The following PTPRQ variants were observed in gnomAD, a reference collection of about 807,000 sequenced individuals.
PTPRQ encodes the protein phosphatidylinositol phosphatase PTPRQ.
A neutral mutation model predicts 246.0 loss-of-function variants in PTPRQ; 199 were observed. That is an observed-to-expected ratio of 0.81 (90% confidence interval 0.72 to 0.91). PTPRQ has a LOEUF of 0.91. Among genes scored for constraint, PTPRQ ranks in the 40% least tolerant of loss-of-function variants. The pLI, the probability that PTPRQ is intolerant of heterozygous loss-of-function variation, is 0.00. For missense variants in PTPRQ, 2,624 were observed against 2,528.4 expected (o/e 1.04, Z -0.81); for synonymous variants, 869 against 853.2 (o/e 1.02, Z -0.32).
rs1315758467 is a variant in PTPRQ at position 80,493,433 on chromosome 12, T to C, written c.1518T>C (p.Ala506=). 1.3e-6 allele frequency: 2 copies of C among 1,548,838 alleles called. No individual in the cohort carries two copies. The highest frequency in any genetic ancestry group is 2.4e-5 in the East Asian group (1 of 40,842). ...PDKNFPARNR[A]EDQTSPVVTT... Reference sequence around the variant, plus strand: ...AAAACTTTCCTGCAAGGAATAGAGCTGAAGACCAGACTTCACCAGTTGGTA... The same window carrying C: ...AAAACTTTCCTGCAAGGAATAGAGCCGAAGACCAGACTTCACCAGTTGGTA... The change falls in exon 10 of 45, where the codon GCT becomes GCC. Residue 506 remains alanine (A), a synonymous_variant. Transcript: ENST00000644991.
At chr12:80,465,154 A>G (rs1893348433) in intron 6 of PTPRQ, 1 of 149,238 alleles carries the variant, frequency 6.7e-6, no homozygotes, top group East Asian at 2.0e-4. Context: ...TAGATGCAAT[A>G]AAAAATGATA....
chr12:80,518,952 A>T (rs967632874), intron 17 of PTPRQ, among the ~76,000 whole-genome samples: 21 of 152,118 alleles, frequency 1.4e-4, no homozygotes, highest in African/African-American at 5.1e-4. Context: ...TAGCTTTGTT[A>T]TTCTGGGTCT....
intron 25 of PTPRQ, among the ~76,000 whole-genome samples, chr12:80,562,662 T>C (rs1023225615): frequency 6.6e-6 from 1 of 152,062 alleles, no homozygotes; most frequent in Non-Finnish European, 1.5e-5. Context: ...ACTAAGTGAA[T>C]ATATTTAAAA....
chr12:80,647,175 G>C (rs957464792), intron 35 of PTPRQ, among the ~76,000 whole-genome samples: 2 of 152,116 alleles, frequency 1.3e-5, no homozygotes, highest in African/African-American at 2.4e-5. Context: ...CAGTCTCACT[G>C]TCCTTATATA....
intron 17 of PTPRQ, chr12:80,512,791 T>C (rs1895160492): frequency 6.6e-6 from 1 of 152,210 alleles, no homozygotes; most frequent in East Asian, 1.9e-4. Context: ...CTCTCATCCT[T>C]CAAGAGGTAT....
chr12:80,584,956 T>C (rs1011188620), intron 25 of PTPRQ, among the ~76,000 whole-genome samples: 1 of 151,822 alleles, frequency 6.6e-6, no homozygotes, highest in African/African-American at 2.4e-5. Flanking sequence ...ACAGAATGTG[T>C]TGTAAATAGT....
intron 27 of PTPRQ, among the ~76,000 whole-genome samples, chr12:80,609,156 T>C (rs1328355035): frequency 1.3e-5 from 2 of 150,568 alleles, no homozygotes; most frequent in Non-Finnish European, 3.0e-5. Context: ...TCTTTTTTTA[T>C]AGCAACATCT....
intron 6 of PTPRQ, chr12:80,462,400 G>A (rs1893221493): frequency 5.4e-6 from 1 of 185,272 alleles, no homozygotes; most frequent in Non-Finnish European, 1.2e-5. Flanking sequence ...GCTCAAGGAG[G>A]CCTGCCTGCC....
At chr12:80,477,821 C>T (rs577439282) in intron 8 of PTPRQ, among the ~76,000 whole-genome samples, 8 of 152,260 alleles carry the variant, frequency 5.3e-5, no homozygotes, top group Non-Finnish European at 1.0e-4. Context: ...GCTTTTCTGA[C>T]GGGCTTAAAA....
At chr12:80,619,926 T>G (rs1898914228) in intron 31 of PTPRQ, among the ~76,000 whole-genome samples, 1 of 151,542 alleles carries the variant, frequency 6.6e-6, no homozygotes, top group Non-Finnish European at 1.5e-5. Context: ...GATTGAGGGA[T>G]GCTCTTTCTC....
intron 25 of PTPRQ, among the ~76,000 whole-genome samples, chr12:80,572,523 G>A (rs1897174115): frequency 6.6e-6 from 1 of 151,768 alleles, no homozygotes; most frequent in Non-Finnish European, 1.5e-5. Context: ...TTGCCTTATA[G>A]CACTGGCTTG....
intron 33 of PTPRQ, among the ~76,000 whole-genome samples, chr12:80,622,532 A>G (rs537318464): frequency 6.6e-6 from 1 of 152,012 alleles, no homozygotes; most frequent in Non-Finnish European, 1.5e-5. Context: ...AATGCACAAA[A>G]CAGCCCGTAA....
At chr12:80,525,646 C>CTCTCTG (rs1307016382) in intron 17 of PTPRQ, among the ~76,000 whole-genome samples, 1 of 131,850 alleles carries the variant, frequency 7.6e-6, no homozygotes, top group African/African-American at 3.6e-5. Flanking sequence ...GTCATATTCT[C>CTCTCTG]TCTCTCTGTC....
chr12:80,565,058 G>T (rs895272627), intron 25 of PTPRQ, among the ~76,000 whole-genome samples: 1 of 152,118 alleles, frequency 6.6e-6, no homozygotes, highest in African/African-American at 2.4e-5. Context: ...GTGAGTTAAC[G>T]TAATAAGATC....
intron 2 of PTPRQ, 142 bp from the exon 3 acceptor site, chr12:80,445,349 A>G: frequency 3.7e-6 from 2 of 539,216 alleles, no homozygotes; most frequent in Non-Finnish European, 6.4e-6. Flanking sequence ...TTTTTTTAAT[A>G]GTAACAGAGC....
chr12:80,445,536 C>G lies in PTPRQ; in HGVS notation c.209C>G (p.Ala70Gly). 1.3e-6 allele frequency: 2 copies of G among 1,548,960 alleles called. No individual in the cohort carries two copies. The highest frequency in any genetic ancestry group is 1.7e-6 in the Non-Finnish European group (2 of 1,145,634). ...VFLAGERVGS[A>G]GILLSWNTPP... ...CTAGCCGGGGAAAGAGTCGGATCTG[C>G]TGGGATTCTTCTGTCTTGGAATACA... is the stretch of plus-strand genomic sequence containing the variant. Residue 70 changes from alanine (A) to glycine (G), a missense_variant, in exon 3 of 45, where the codon GCT becomes GGT. By Grantham distance (60) the Ala-to-Gly change is moderately conservative. Coordinates refer to ENST00000644991, the MANE Select transcript of PTPRQ (RefSeq NM_001145026.2).
intron 39 of PTPRQ, among the ~76,000 whole-genome samples, chr12:80,661,661 A>G (rs1253008309): frequency 6.6e-6 from 1 of 151,758 alleles, no homozygotes; most frequent in Admixed American, 6.6e-5. Context: ...TATAAACTGC[A>G]CATTTTACAT....
chr12:80,588,399 A>G lies in PTPRQ; in HGVS notation c.4556A>G (p.Asn1519Ser), dbSNP rs1266079732. ...AGATTCCAAGTGGCTGCCAGCACCA[A>G]TGCTGGCTATGGCAATGCTTCAAAC... ...WYRFQVAAST[N>S]AGYGNASNWI... The change falls in exon 26 of 45, where the codon AAT (asparagine) becomes AGT (serine). Residue 1519 changes from asparagine to serine, a missense_variant. Transcript: ENST00000644991. The G allele has an allele frequency of 5.9e-6, 9 of 1,524,308 alleles. No homozygotes were observed. The highest frequency in any genetic ancestry group is 1.7e-4 in the Middle Eastern group (1 of 5,846). The allele number at this position is 1,524,308 out of a possible 1,614,324, so 94.4% of individuals were successfully genotyped here.
chr12:80,514,520 G>A (rs1381596613), intron 17 of PTPRQ, among the ~76,000 whole-genome samples: 1 of 144,438 alleles, frequency 6.9e-6, no homozygotes, highest in Non-Finnish European at 1.5e-5. Context: ...TGAATGAAGA[G>A]TATGTTTTAA....
Sources: gnomAD v4.1 joint callset for allele counts (sites outside exome capture counted in the v4.1 genomes callset) on GRCh38, gnomAD v4.1.1 for gene constraint, MANE v1.5 for transcripts, NCBI Gene and HGNC (gene_info 2026-07-23, HGNC 2026-07-21) for gene names.